Variants in CD38 observed in about 807,000 individuals in gnomAD.
The protein encoded by CD38 is CD38 molecule.
CD38 carries 31 observed loss-of-function variants against 36.3 expected under a neutral mutation model. The observed-to-expected ratio is 0.85, with a 90% CI of 0.64 to 1.15. CD38 has a LOEUF of 1.15. Ranked by LOEUF, CD38 falls within the 50% of genes most tolerant of loss-of-function variation. The probability of loss-of-function intolerance (pLI) is 0.00; values close to 1 mark genes in which losing one functional copy is unlikely to be tolerated. For synonymous variants in CD38, 131 were observed against 135.2 expected (o/e 0.97, Z 0.22); for missense variants, 380 against 371.9 (o/e 1.02, Z -0.18).
Position 15,809,124 on chromosome 4 carries a change from T to C in CD38, c.234-7387T>C, listed in dbSNP as rs543736256. 9.2e-5 allele frequency among the ~76,000 whole-genome samples: 14 copies of C among 152,360 alleles called. No homozygotes were observed. The South Asian group carries it at 2.5e-3, about 27-fold the overall frequency. ...CCTGTAAAACACTTAGCCAGATGGC[T>C]GCGTGAAGAAAGCACTTGGTAAATG... is the stretch of plus-strand genomic sequence containing the variant. On this transcript the variant is annotated intron_variant, in intron 1 of 7. Transcript: ENST00000226279.
chr4:15,787,506 C>T (rs574415169), intron 1 of CD38, among the ~76,000 whole-genome samples: 21 of 152,316 alleles, frequency 1.4e-4, no homozygotes, highest in African/African-American at 4.8e-4. Flanking sequence ...AGGGTGTCTG[C>T]TCATTTTTCT....
At position 15,824,300 on chromosome 4, in the gene CD38, C is replaced by T. The variant is rs577423112; in HGVS notation, c.364-581C>T. On this transcript the variant is annotated intron_variant, in intron 2 of 7. Transcript: ENST00000226279. ...ATCCTGCATGTATACCCTGGATATACATGCCCAGGATATACATTTTATTTA... is the reference window on the plus strand; with the variant it reads ...ATCCTGCATGTATACCCTGGATATATATGCCCAGGATATACATTTTATTTA... Among the ~76,000 whole-genome samples, 44 of 152,126 alleles carry T rather than the reference C, an allele frequency of 2.9e-4. No homozygotes were observed. In the Middle Eastern group the frequency reaches 0.014, roughly 47 times the overall value.
intron 2 of CD38, among the ~76,000 whole-genome samples, chr4:15,820,758 C>A (rs867623764): frequency 2.6e-5 from 4 of 152,066 alleles, no homozygotes; most frequent in Admixed American, 1.3e-4. Context: ...TAACATCCCA[C>A]TGTCAATATT....
In CD38 at chr4:15,852,907, T is replaced by C. The variant is rs1577667191; in HGVS notation, c.*4305T>C. On this transcript the variant is annotated 3_prime_UTR_variant, in exon 8 of 8. Transcript: ENST00000226279. ...TCACTGCAGGCTCCACCCCCTGGGG[T>C]TCACGCCATTCTCCTGCCTCAGCCT... 1 of 149,050 alleles carries C rather than the reference T, an allele frequency of 6.7e-6. No individual in the cohort carries two copies. The highest frequency in any genetic ancestry group is 6.8e-5 in the Admixed American group (1 of 14,676). The allele number at this position is 149,050 out of a possible 1,614,324, so 9.2% of individuals were successfully genotyped here. A position where few individuals can be genotyped will look rare whatever the true frequency, so the allele number is the denominator to read the frequency against.
At chr4:15,796,631 C>T (rs887759928) in intron 1 of CD38, among the ~76,000 whole-genome samples, 1 of 152,054 alleles carries the variant, frequency 6.6e-6, no homozygotes, top group South Asian at 2.1e-4. Context: ...TCGAAATACT[C>T]TTTCCGCCGA....
intron 2 of CD38, among the ~76,000 whole-genome samples, chr4:15,823,912 T>A (rs942220204): frequency 1.3e-5 from 2 of 152,152 alleles, no homozygotes; most frequent in African/African-American, 4.8e-5. Flanking sequence ...CAAATGCCCA[T>A]CAGTGATAGG....
chr4:15,826,089 C>A (rs1260938901), intron 3 of CD38: 1 of 151,378 alleles, frequency 6.6e-6, no homozygotes, highest in Non-Finnish European at 1.5e-5. Flanking sequence ...GCATTACTTT[C>A]AATTACAAAA....
At chr4:15,808,060 C>G (rs1214473178) in intron 1 of CD38, among the ~76,000 whole-genome samples, 1 of 152,150 alleles carries the variant, frequency 6.6e-6, no homozygotes. Flanking sequence ...GTGCCATTCT[C>G]TCCTTGCTTT....
chr4:15,832,539 T>A (rs1723980040), intron 3 of CD38, among the ~76,000 whole-genome samples: 1 of 152,140 alleles, frequency 6.6e-6, no homozygotes, highest in Admixed American at 6.6e-5. Flanking sequence ...TTGGACAAGA[T>A]CTAGAAGGAT....
chr4:15,780,302 C>G (rs6847178), intron 1 of CD38, among the ~76,000 whole-genome samples: 6,871 of 152,234 alleles, frequency 0.045, 503 homozygotes, highest in African/African-American at 0.15. Flanking sequence ...CCCACAATCT[C>G]TTGAATGCTG....
At chr4:15,832,446 G>A (rs574898546) in intron 3 of CD38, among the ~76,000 whole-genome samples, 251 of 152,286 alleles carry the variant, frequency 1.6e-3, no homozygotes, top group Non-Finnish European at 3.0e-3. Context: ...TGTGATCTAC[G>A]TTGTATCTGC....
At position 15,838,123 on chromosome 4, in the gene CD38, T is replaced by C. The variant is rs1479578314; in HGVS notation, c.617T>C (p.Val206Ala). ...GAAGCTGCCTGTGATGTGGTCCATG[T>C]GATGCTCAATGGATCCCGCAGTAAA... The part of the protein sequence containing the change: ...FAEAACDVVH[V>A]MLNGSRSKIF... The change falls in exon 5 of 8, where the codon GTG becomes GCG. Residue 206 changes from valine to alanine, a missense_variant. Physicochemically the swap from Val to Ala is moderately conservative, Grantham distance 64 (BLOSUM62 0). Transcript: ENST00000226279. 6.2e-7 allele frequency: 1 copy of C among 1,613,948 alleles called. No homozygotes were observed. The highest frequency in any genetic ancestry group is 8.5e-7 in the Non-Finnish European group (1 of 1,179,882).
intron 1 of CD38, among the ~76,000 whole-genome samples, chr4:15,800,556 A>T (rs1723196843): frequency 6.6e-6 from 1 of 152,206 alleles, no homozygotes; most frequent in Admixed American, 6.5e-5. Context: ...ATGACTAATG[A>T]TGCTGAGGAT....
chr4:15,837,378 A>C (rs942615633), intron 4 of CD38, among the ~76,000 whole-genome samples: 1 of 152,060 alleles, frequency 6.6e-6, no homozygotes, highest in African/African-American at 2.4e-5. Context: ...GGGTAGGTTA[A>C]ACTCATCATT....
At position 15,852,509 on chromosome 4, in the gene CD38, G is replaced by A. The variant is rs1724409153; in HGVS notation, c.*3907G>A. 1 of 152,128 alleles carries A rather than the reference G, an allele frequency of 6.6e-6. No individual in the cohort carries two copies. Among genetic ancestry groups the A allele is most frequent in the Admixed American group, 6.5e-5 (1 of 15,270 alleles). 9.4% of individuals were successfully genotyped at this position (152,128 alleles called of 1,614,324 possible). ...TATGTGCTGGATAGTTTTTAAGTAT[G>A]ACATAAAAATTGTATAAAGTAAAAT... On this transcript the variant is annotated 3_prime_UTR_variant, in exon 8 of 8. Coordinates refer to ENST00000226279, the MANE Select transcript of CD38 (RefSeq NM_001775.4).
At chr4:15,823,461 T>C (rs928794464) in intron 2 of CD38, among the ~76,000 whole-genome samples, 4 of 152,022 alleles carry the variant, frequency 2.6e-5, no homozygotes, top group Non-Finnish European at 4.4e-5. Flanking sequence ...TACAAAGAAC[T>C]TAAACAAATT....
intron 3 of CD38, among the ~76,000 whole-genome samples, chr4:15,830,824 C>T (rs988262705): frequency 3.2e-4 from 49 of 152,056 alleles, no homozygotes; most frequent in African/African-American, 1.1e-3. Context: ...ATCCATTGAG[C>T]CACTCTGTGC....
intron 1 of CD38, among the ~76,000 whole-genome samples, chr4:15,797,700 G>A (rs1577639871): frequency 6.6e-6 from 1 of 152,170 alleles, no homozygotes; most frequent in African/African-American, 2.4e-5. Flanking sequence ...TCTGCTTCGT[G>A]CCCTCTTCCA....
chr4:15,778,349 C>T lies in CD38; in HGVS notation c.-66C>T, dbSNP rs1355795687. On this transcript the variant is annotated 5_prime_UTR_variant, in exon 1 of 8. Transcript: ENST00000226279. This position sits in a 1 kb window ranked among gnomAD's most constrained non-coding sequence, Gnocchi z 4.9. ...AGGTGCAGTTTCAGAACCCAGCCAG[C>T]CTCTCTCTTGCTGCCTAGCCTCCTG... 17 of 1,057,470 alleles carry T rather than the reference C, an allele frequency of 1.6e-5. No individual in the cohort carries two copies. Among genetic ancestry groups the T allele is most frequent in the Non-Finnish European group, 2.5e-5 (17 of 685,540 alleles). The allele number at this position is 1,057,470 out of a possible 1,614,324, so 65.5% of individuals were successfully genotyped here. A position where few individuals can be genotyped will look rare whatever the true frequency, so the allele number is the denominator to read the frequency against.
Sources: allele counts gnomAD v4.1 joint callset (sites outside exome capture counted in the v4.1 genomes callset), GRCh38; gene constraint gnomAD v4.1.1; non-coding constraint Gnocchi (gnomAD v3.1); transcripts MANE v1.5; gene names NCBI Gene and HGNC (gene_info 2026-07-23, HGNC 2026-07-21).